MAPK4: variants seen among roughly 807,000 people sequenced by gnomAD.
MAPK4 encodes the protein Erk3-related.
A neutral mutation model predicts 47.7 loss-of-function variants in MAPK4; 22 were observed. The observed-to-expected ratio is 0.46, with a 90% CI of 0.33 to 0.66. The LOEUF is 0.66. Among genes scored for constraint, MAPK4 ranks in the 30% least tolerant of loss-of-function variants. MAPK4 has a pLI of 0.02. For synonymous variants in MAPK4, 390 were observed against 365.7 expected, an observed-to-expected ratio of 1.07 and a Z score of -0.76; for missense variants, 736 against 831.7, an observed-to-expected ratio of 0.88 and a Z score of 1.42.
intron 1 of MAPK4, among the ~76,000 whole-genome samples, chr18:50,586,747 C>CT (rs1382363263): frequency 1.3e-5 from 2 of 151,992 alleles, no homozygotes; most frequent in African/African-American, 2.4e-5. Context: ...AAAAAAGGGT[C>CT]TTTTTTCCTA....
intron 2 of MAPK4, among the ~76,000 whole-genome samples, chr18:50,681,809 A>G (rs1908602328): frequency 6.6e-6 from 1 of 152,188 alleles, no homozygotes; most frequent in South Asian, 2.1e-4. Context: ...CAACTACTGC[A>G]GTTTGTAGTC....
At chr18:50,703,993 C>T (rs926531281) in intron 2 of MAPK4, among the ~76,000 whole-genome samples, 2 of 152,214 alleles carry the variant, frequency 1.3e-5, no homozygotes, top group Non-Finnish European at 2.9e-5. Flanking sequence ...CAGGGAGCTA[C>T]TTCCTGCCTA....
At chr18:50,588,919 C>A (rs945291431) in intron 1 of MAPK4, among the ~76,000 whole-genome samples, 7 of 152,182 alleles carry the variant, frequency 4.6e-5, no homozygotes, top group Non-Finnish European at 1.0e-4. Flanking sequence ...GAACTGTTGG[C>A]AGCCATGTTA....
At chr18:50,586,671 C>T (rs188414639) in intron 1 of MAPK4, among the ~76,000 whole-genome samples, 7 of 151,916 alleles carry the variant, frequency 4.6e-5, no homozygotes, top group South Asian at 2.1e-4. Context: ...TGGTAAGCTC[C>T]GAGTGTACAT....
chr18:50,681,869 A>T (rs1225580031), intron 2 of MAPK4, among the ~76,000 whole-genome samples: 1 of 152,166 alleles, frequency 6.6e-6, no homozygotes, highest in Non-Finnish European at 1.5e-5. Context: ...CCTTTTCAAG[A>T]TTGTTTTGAC....
At chr18:50,639,246 G>A (rs1484034382) in intron 1 of MAPK4, among the ~76,000 whole-genome samples, 1 of 152,214 alleles carries the variant, frequency 6.6e-6, no homozygotes, top group Admixed American at 6.5e-5. Context: ...CTGGAAATGG[G>A]AGTGAACCAA....
chr18:50,634,852 G>C (rs1458219583), intron 1 of MAPK4, among the ~76,000 whole-genome samples: 1 of 152,144 alleles, frequency 6.6e-6, no homozygotes, highest in African/African-American at 2.4e-5. Context: ...CTCCTTCTGT[G>C]TAATGAGACT....
chr18:50,628,443 A>T (rs2042800661), intron 1 of MAPK4, among the ~76,000 whole-genome samples: 1 of 152,204 alleles, frequency 6.6e-6, no homozygotes, highest in Non-Finnish European at 1.5e-5. Flanking sequence ...GACTTGCTAG[A>T]ATCAAATGTT....
chr18:50,656,081 G>T (rs529025343), intron 1 of MAPK4, among the ~76,000 whole-genome samples: 1 of 152,170 alleles, frequency 6.6e-6, no homozygotes, highest in Non-Finnish European at 1.5e-5. Context: ...CAGGACCCCA[G>T]ACTCAAGGAG....
At chr18:50,708,709 G>C (rs1252372454) in intron 2 of MAPK4, among the ~76,000 whole-genome samples, 1 of 152,122 alleles carries the variant, frequency 6.6e-6, no homozygotes, top group East Asian at 1.9e-4. Context: ...AGAAAGCCCT[G>C]GCAGCCTTAG....
chr18:50,710,826 A>G (rs1192507240), intron 2 of MAPK4, among the ~76,000 whole-genome samples: 1 of 140,150 alleles, frequency 7.1e-6, no homozygotes, highest in Non-Finnish European at 1.6e-5. Flanking sequence ...TAAATAAATA[A>G]ATTCATCATA....
chr18:50,617,119 C>G (rs937044519), intron 1 of MAPK4, among the ~76,000 whole-genome samples: 4 of 152,046 alleles, frequency 2.6e-5, no homozygotes, highest in African/African-American at 7.3e-5. Context: ...GATGGAGGAC[C>G]CTTTGATGAG....
chr18:50,660,782 C>G (rs1267593186), intron 1 of MAPK4, among the ~76,000 whole-genome samples: 1 of 151,948 alleles, frequency 6.6e-6, no homozygotes, highest in Non-Finnish European at 1.5e-5. Flanking sequence ...TGGGAAGATA[C>G]AAGCAAAAAA....
chr18:50,576,120 C>T (rs2042294710), intron 1 of MAPK4, among the ~76,000 whole-genome samples: 1 of 87,810 alleles, frequency 1.1e-5, no homozygotes, highest in African/African-American at 4.0e-5. Flanking sequence ...TACCATTTGA[C>T]CCAGCAATCC....
At chr18:50,672,143 C>A (rs1002724184) in intron 2 of MAPK4, among the ~76,000 whole-genome samples, 9 of 152,142 alleles carry the variant, frequency 5.9e-5, no homozygotes, top group Non-Finnish European at 1.3e-4. Flanking sequence ...CAGATGGCAA[C>A]CCACAGGGTG....
At chr18:50,701,575 G>C (rs192010724) in intron 2 of MAPK4, among the ~76,000 whole-genome samples, 1 of 152,162 alleles carries the variant, frequency 6.6e-6, no homozygotes, top group Non-Finnish European at 1.5e-5. Flanking sequence ...TTGTGGTGTA[G>C]GAATAACTTC....
intron 1 of MAPK4, among the ~76,000 whole-genome samples, chr18:50,563,985 T>G (rs2042177006): frequency 6.6e-6 from 1 of 152,152 alleles, no homozygotes; most frequent in Admixed American, 6.5e-5. Flanking sequence ...CACAGACAAG[T>G]GGGTGTTGGA....
intron 2 of MAPK4, among the ~76,000 whole-genome samples, chr18:50,690,922 CAA>C (rs1389589956): frequency 4.6e-5 from 7 of 152,020 alleles, no homozygotes; most frequent in African/African-American, 1.7e-4. Flanking sequence ...TGGCAGGTAC[CAA>C]AGAGGTGTGA....
intron 1 of MAPK4, among the ~76,000 whole-genome samples, chr18:50,648,551 A>C (rs957227633): frequency 2.6e-5 from 4 of 152,202 alleles, no homozygotes; most frequent in Non-Finnish European, 4.4e-5. Flanking sequence ...AGAGCATTGC[A>C]GGGTTTATTC....
Sources: gnomAD v4.1 joint callset for allele counts (sites outside exome capture counted in the v4.1 genomes callset) on GRCh38, gnomAD v4.1.1 for gene constraint, MANE v1.5 for transcripts, NCBI Gene and HGNC (gene_info 2026-07-23, HGNC 2026-07-21) for gene names.